The following CSPG5 variants were observed in gnomAD, a reference collection of about 807,000 sequenced individuals.
The protein encoded by CSPG5 is acidic leucine-rich EGF-like domain-containing brain protein.
CSPG5 carries 25 observed loss-of-function variants against 39.8 expected under a neutral mutation model. The ratio of observed to expected loss-of-function variants is 0.63; its 90% CI spans 0.46 to 0.88. The LOEUF (loss-of-function observed/expected upper bound fraction) is 0.88. CSPG5 is among the 40% of genes least tolerant of loss of function. The pLI is 0.00. For missense variants in CSPG5, 627 were observed against 702.2 expected (o/e 0.89, Z 1.21); for synonymous variants, 295 against 303.9 (o/e 0.97, Z 0.31).
At chr3:47,569,583 G>A (rs2031449614) in intron 3 of CSPG5, among the ~76,000 whole-genome samples, 1 of 150,002 alleles carries the variant, frequency 6.7e-6, no homozygotes, top group South Asian at 2.1e-4. Flanking sequence ...CAGCCTGGCT[G>A]ACAGAGCGAG....
At chr3:47,573,504 T>C (rs1397644854) in intron 2 of CSPG5, among the ~76,000 whole-genome samples, 1 of 152,210 alleles carries the variant, frequency 6.6e-6, no homozygotes, top group Non-Finnish European at 1.5e-5. Flanking sequence ...AGAACTGTCA[T>C]GCAAGCACAG....
rs752070836 is a variant in CSPG5 at position 47,577,841 on chromosome 3, T to A, written c.185A>T (p.Glu62Val). 7.1e-6 allele frequency: 11 copies of A among 1,555,826 alleles called. No homozygotes were observed. Among genetic ancestry groups the A allele is most frequent in the Non-Finnish European group, 8.6e-6 (10 of 1,162,530 alleles). The change falls in exon 2 of 5, where the codon GAA becomes GTA. Residue 62 changes from glutamate (E) to valine (V), a missense_variant. By Grantham distance (121) the Glu-to-Val change is moderately radical. Transcript: ENST00000264723. The surrounding 1 kb of genome is among the most constrained non-coding windows in gnomAD (Gnocchi z 4.7). ...WEPPANDTREEAGPPAAGEDE... is the reference protein window; with the variant it reads ...WEPPANDTREVAGPPAAGEDE... Reference sequence around the variant, plus strand: ...TTCCCCAGCCGCTGGTGGGCCGGCTTCTTCCCGCGTGTCGTTGGCAGGCGG... The same window carrying A: ...TTCCCCAGCCGCTGGTGGGCCGGCTACTTCCCGCGTGTCGTTGGCAGGCGG...
At chr3:47,573,760 G>T (rs1225144533) in intron 2 of CSPG5, among the ~76,000 whole-genome samples, 1 of 152,218 alleles carries the variant, frequency 6.6e-6, no homozygotes, top group African/African-American at 2.4e-5. Flanking sequence ...CAGAAAACTG[G>T]CTACTCCACA....
chr3:47,566,532 T>C (rs756737470), intron 4 of CSPG5, among the ~76,000 whole-genome samples: 29 of 152,062 alleles, frequency 1.9e-4, no homozygotes, highest in Admixed American at 9.8e-4. Context: ...GAGATGAAGG[T>C]AGAAAATCCA....
chr3:47,568,992 C>A lies in CSPG5; in HGVS notation c.1458+160G>T, dbSNP rs1461712633. 3.0e-6 allele frequency: 4 copies of A among 1,321,860 alleles called. No individual in the cohort carries two copies. In the African/African-American group the frequency reaches 4.6e-5, roughly 15 times the overall value. 81.9% of individuals were successfully genotyped at this position (1,321,860 alleles called of 1,614,324 possible). A position where few individuals can be genotyped will look rare whatever the true frequency, so the allele number is the denominator to read the frequency against. ...GACCTCCAGAGCTCTCTGGGGATTT[C>A]ATATTCTGAAATAGACATCAGACAT... On this transcript the variant is annotated intron_variant, in intron 4 of 4. Coordinates refer to ENST00000264723, the MANE Select transcript of CSPG5 (RefSeq NM_006574.4).
intron 2 of CSPG5, among the ~76,000 whole-genome samples, chr3:47,576,464 T>TG (rs1553667947): frequency 6.7e-6 from 1 of 149,396 alleles, no homozygotes; most frequent in Non-Finnish European, 1.5e-5. Flanking sequence ...TTGTTTTGTT[T>TG]TTTTTTTTTT....
intron 4 of CSPG5, 141 bp from the exon 5 acceptor site, chr3:47,562,902 A>C (rs1202659842): frequency 5.0e-5 from 44 of 887,964 alleles, no homozygotes; most frequent in Non-Finnish European, 6.9e-5. Context: ...AAAAGGAACC[A>C]AAGTAACTCA....
Position 47,572,863 on chromosome 3 carries a change from T to C in CSPG5, c.1205A>G (p.Gln402Arg). The C allele has an allele frequency of 4.4e-6, 7 of 1,608,430 alleles. No individual in the cohort carries two copies. Among genetic ancestry groups the C allele is most frequent in the South Asian group, 3.3e-5 (3 of 90,628 alleles). Residue 402 changes from glutamine (Q) to arginine (R), a missense_variant, in exon 3 of 5, where the codon CAG becomes CGG. Physicochemically the swap from Gln to Arg is conservative, Grantham distance 43. Transcript: ENST00000264723. This position sits in a 1 kb window ranked among gnomAD's most constrained non-coding sequence, Gnocchi z 4.5. Reference sequence around the variant, plus strand: ...CATCCCCTTGTGCCAGATGTAGTCCTGCGTGTTGCACCTGCAGCAGCGACA... The same window carrying C: ...CATCCCCTTGTGCCAGATGTAGTCCCGCGTGTTGCACCTGCAGCAGCGACA... ...NIGAFCRCNT[Q>R]DYIWHKGMRC...
chr3:47,567,129 G>T (rs2031340080), intron 4 of CSPG5, among the ~76,000 whole-genome samples: 1 of 152,200 alleles, frequency 6.6e-6, no homozygotes, highest in South Asian at 2.1e-4. Flanking sequence ...TGAAGCTGTG[G>T]TATTAGAAAC....
intron 2 of CSPG5, among the ~76,000 whole-genome samples, chr3:47,573,343 G>C (rs1484918390): frequency 1.3e-5 from 2 of 152,226 alleles, no homozygotes; most frequent in African/African-American, 4.8e-5. Context: ...CTATCTTGCT[G>C]CTTTGCAGTC....
At chr3:47,563,161 A>G (rs1181844576) in intron 4 of CSPG5, among the ~76,000 whole-genome samples, 1 of 152,110 alleles carries the variant, frequency 6.6e-6, no homozygotes, top group Non-Finnish European at 1.5e-5. Flanking sequence ...TGCTTTCACA[A>G]AGATGTCTTG....
intron 4 of CSPG5, among the ~76,000 whole-genome samples, chr3:47,566,172 A>G (rs957079308): frequency 6.6e-6 from 1 of 152,224 alleles, no homozygotes; most frequent in East Asian, 1.9e-4. Flanking sequence ...TGACCTGCTC[A>G]ATCTATTTTA....
upstream of CSPG5, chr3:47,580,112 C>G (rs2031931029): frequency 6.6e-6 from 1 of 152,266 alleles, no homozygotes; most frequent in Admixed American, 6.5e-5. Flanking sequence ...GTCTCCACCT[C>G]TCCTGCCTGG....
In CSPG5 at chr3:47,577,643, T is replaced by C. The variant is rs1449833998; in HGVS notation, c.383A>G (p.Gln128Arg). Residue 128 changes from glutamine to arginine, a missense_variant, in exon 2 of 5, where the codon CAG (glutamine) becomes CGG (arginine). By Grantham distance (43) the Gln-to-Arg change is conservative. Transcript: ENST00000264723. This position sits in a 1 kb window ranked among gnomAD's most constrained non-coding sequence, Gnocchi z 4.7. ...CTGCCCGAGGACCTCGTGGGGAGCC[T>C]GGAGCGTAGCTGGAAGGGCCTGGGC... ...GDAQALPATL[Q>R]APHEVLGQSI... 2 of 1,609,280 alleles carry C rather than the reference T, an allele frequency of 1.2e-6. No homozygotes were observed. The highest frequency in any genetic ancestry group is 1.7e-6 in the Non-Finnish European group (2 of 1,178,930).
intron 4 of CSPG5, among the ~76,000 whole-genome samples, chr3:47,564,780 T>TGTGTGTATATATATATACACAC (rs1434834061): frequency 1.1e-4 from 17 of 152,110 alleles, no homozygotes; most frequent in Non-Finnish European, 2.5e-4. Context: ...TGTGTGTTTG[T>TGTGTGTATATATATATACACAC]GTGTGTATAT....
chr3:47,565,790 C>T (rs551924647), intron 4 of CSPG5, among the ~76,000 whole-genome samples: 27 of 152,196 alleles, frequency 1.8e-4, no homozygotes, highest in Non-Finnish European at 2.9e-4. Context: ...CCCATGGTCT[C>T]GACAGCACCG....
rs1033122357 is a variant in CSPG5 at position 47,572,577 on chromosome 3, T to C, written c.1382+109A>G. Reference sequence around the variant, plus strand: ...AAAACAGCTGGGAATGGAGCACAGGTGCCAGAAACCCTCACGACAAAGTCC... The same window carrying C: ...AAAACAGCTGGGAATGGAGCACAGGCGCCAGAAACCCTCACGACAAAGTCC... On this transcript the variant is annotated intron_variant, in intron 3 of 4. Coordinates refer to ENST00000264723, the MANE Select transcript of CSPG5 (RefSeq NM_006574.4). This position sits in a 1 kb window ranked among gnomAD's most constrained non-coding sequence, Gnocchi z 4.5. 1.3e-5 allele frequency: 12 copies of C among 908,446 alleles called. No homozygotes were observed. In the African/African-American group the frequency reaches 1.8e-4, roughly 14 times the overall value. The allele number at this position is 908,446 out of a possible 1,614,324, so 56.3% of individuals were successfully genotyped here.
chr3:47,570,318 G>A (rs1265338642), intron 3 of CSPG5, among the ~76,000 whole-genome samples: 1 of 149,450 alleles, frequency 6.7e-6, no homozygotes, highest in Admixed American at 6.7e-5. Flanking sequence ...TGCTCAGGCT[G>A]GACTCGAACC....
At position 47,576,948 on chromosome 3, in the gene CSPG5, G is replaced by T. The variant is rs1000311574; in HGVS notation, c.1078C>A (p.Arg360Ser). The T allele has an allele frequency of 6.2e-7, 1 of 1,613,670 alleles. No individual in the cohort carries two copies. The highest frequency in any genetic ancestry group is 8.5e-7 in the Non-Finnish European group (1 of 1,179,762). ...LASSENGTEC[R>S]SGFVRHNGSC... ...CCGTTATGCCGCACAAAGCCACTGC[G>T]GCACTCAGTGCCATTTTCACTGGAG... Residue 360 changes from arginine to serine, a missense_variant, in exon 2 of 5, where the codon CGC (arginine) becomes AGC (serine). Coordinates refer to ENST00000264723, the MANE Select transcript of CSPG5 (RefSeq NM_006574.4).
Sources: gnomAD v4.1 joint callset for allele counts (sites outside exome capture counted in the v4.1 genomes callset) on GRCh38, gnomAD v4.1.1 for gene constraint, Gnocchi (gnomAD v3.1) non-coding constraint, MANE v1.5 for transcripts, NCBI Gene and HGNC (gene_info 2026-07-23, HGNC 2026-07-21) for gene names.